IL23R: variants seen among roughly 807,000 people sequenced by gnomAD.
IL23R encodes interleukin-23 receptor.
A neutral mutation model predicts 56.9 loss-of-function variants in IL23R; 34 were observed. That is an observed-to-expected ratio of 0.60 (90% CI 0.45 to 0.80). The LOEUF is 0.80. Ranked by LOEUF, IL23R falls within the 30% of genes least tolerant of loss-of-function variation. The pLI is 0.00. For missense variants in IL23R, 635 were observed against 730.0 expected (o/e 0.87, Z 1.50); for synonymous variants, 230 against 249.2 (o/e 0.92, Z 0.73).
At chr1:67,183,616 G>A (rs187813594) in intron 4 of IL23R, among the ~76,000 whole-genome samples, 97 of 152,120 alleles carry the variant, frequency 6.4e-4, no homozygotes, top group African/African-American at 2.1e-3. Flanking sequence ...TAATTTCCCC[G>A]AATTGCTATT....
At chr1:67,251,323 G>A (rs1322260897) in intron 9 of IL23R, among the ~76,000 whole-genome samples, 1 of 151,934 alleles carries the variant, frequency 6.6e-6, no homozygotes, top group African/African-American at 2.4e-5. Flanking sequence ...GTGGTGGCAG[G>A]CACCTGTAGT....
At chr1:67,205,928 T>TTCTTTTA (rs1175558161) in intron 5 of IL23R, among the ~76,000 whole-genome samples, 4 of 151,088 alleles carry the variant, frequency 2.6e-5, no homozygotes, top group African/African-American at 4.9e-5. Flanking sequence ...TCTTTCTTTT[T>TTCTTTTA]CTTTCTTTCT....
Position 67,197,005 on chromosome 1 carries a change from G to A in IL23R, c.492-3732G>A, listed in dbSNP as rs140482071. Among the ~76,000 whole-genome samples, 18 of 152,348 alleles carry A rather than the reference G, an allele frequency of 1.2e-4. No individual in the cohort carries two copies. The East Asian group carries it at 3.1e-3, about 26-fold the overall frequency. ...GCTCCCAGTGAGGGCACAGGTATGC[G>A]TGAGACACACATGTGAAATAGCAGG... On this transcript the variant is annotated intron_variant, in intron 4 of 10. Transcript: ENST00000347310.
chr1:67,254,200 C>G (rs537559111), intron 9 of IL23R, among the ~76,000 whole-genome samples: 2 of 152,084 alleles, frequency 1.3e-5, no homozygotes, highest in African/African-American at 4.8e-5. Flanking sequence ...TCCCAAGTAG[C>G]TAGGAATACA....
At position 67,258,619 on chromosome 1, in the gene IL23R, A is replaced by C. The variant is rs770054683; in HGVS notation, c.1381A>C (p.Arg461=). ...KKENTGPLET[R]DYPQNSLFDN... is the part of the protein sequence containing the mutation. ...GGAGAATACAGGACCCCTGGAGACA[A>C]GAGACTACCCGCAAAACTCGCTATT... Residue 461 remains arginine (R), a synonymous_variant, in exon 11 of 11, where the codon AGA becomes CGA. Transcript: ENST00000347310. 3 of 1,613,888 alleles carry C rather than the reference A, an allele frequency of 1.9e-6. No individual in the cohort carries two copies. Among genetic ancestry groups the C allele is most frequent in the Non-Finnish European group, 2.5e-6 (3 of 1,179,890 alleles).
intron 5 of IL23R, among the ~76,000 whole-genome samples, chr1:67,203,754 T>C (rs1352882735): frequency 6.6e-6 from 1 of 152,190 alleles, no homozygotes. Flanking sequence ...TGGGAACAAT[T>C]TCCACATAGC....
In IL23R at chr1:67,169,586, T is replaced by G. The variant is rs1295595033; in HGVS notation, c.315T>G (p.Cys105Trp). The G allele has an allele frequency of 6.2e-7, 1 of 1,614,130 alleles. No homozygotes were observed. The highest frequency in any genetic ancestry group is 2.2e-5 in the East Asian group (1 of 44,872). ...PHASMYCTAECPKHFQETLIC... is the reference protein window; with the variant it reads ...PHASMYCTAEWPKHFQETLIC... ...CTTCTATGTACTGCACTGCTGAATGTCCCAAACATTTTCAAGAGACACTGA... is the reference window on the plus strand; with the variant it reads ...CTTCTATGTACTGCACTGCTGAATGGCCCAAACATTTTCAAGAGACACTGA... The change falls in exon 3 of 11, where the codon TGT becomes TGG. Residue 105 changes from cysteine to tryptophan, a missense_variant. Coordinates refer to ENST00000347310, the MANE Select transcript of IL23R (RefSeq NM_144701.3).
At chr1:67,213,047 T>C (rs1246923787) in intron 6 of IL23R, among the ~76,000 whole-genome samples, 5 of 152,028 alleles carry the variant, frequency 3.3e-5, no homozygotes, top group Non-Finnish European at 4.4e-5. Flanking sequence ...CTTCTTTTTG[T>C]ATTTTTAGTA....
rs755811354 is a variant in IL23R at position 67,219,674 on chromosome 1, G to A, written c.899G>A (p.Gly300Asp). 39 of 1,613,984 alleles carry A rather than the reference G, an allele frequency of 2.4e-5. No individual in the cohort carries two copies. The highest frequency in any genetic ancestry group is 3.3e-5 in the Non-Finnish European group (39 of 1,179,966). Residue 300 changes from glycine to aspartate, a missense_variant, in exon 7 of 11, where the codon GGC (glycine) becomes GAC (aspartate). Coordinates refer to ENST00000347310, the MANE Select transcript of IL23R (RefSeq NM_144701.3). ...TTTCAAGTGAGATGTCAAGAAACAG[G>A]CAAAAGGTACTGGCAGCCTTGGAGT... Reference protein sequence around the residue: ...YVFQVRCQETGKRYWQPWSSL... With the variant: ...YVFQVRCQETDKRYWQPWSSL...
chr1:67,188,699 T>G (rs1274497304), intron 4 of IL23R, among the ~76,000 whole-genome samples: 2 of 152,146 alleles, frequency 1.3e-5, no homozygotes, highest in Non-Finnish European at 2.9e-5. Flanking sequence ...AAGTCCCAGA[T>G]CAAGTGTCAA....
rs141402726 is a variant in IL23R, at chr1:67,177,737, T to A, written c.368-5099T>A. Reference sequence around the variant, plus strand: ...GTATTATCTAGGTATTCTTCTAGGGTTTTTATGGTTTTAGGTCTTATGTTT... The same window carrying A: ...GTATTATCTAGGTATTCTTCTAGGGATTTTATGGTTTTAGGTCTTATGTTT... On this transcript the variant is annotated intron_variant, in intron 3 of 10. Coordinates refer to ENST00000347310, the MANE Select transcript of IL23R (RefSeq NM_144701.3). 5.5e-3 allele frequency among the ~76,000 whole-genome samples: 840 copies of A among 151,360 alleles called. 45 individuals are homozygous for A. Among genetic ancestry groups the A allele is most frequent in the African/African-American group, 0.02 (814 of 40,654 alleles).
chr1:67,264,540 T>A (rs887868707), downstream of IL23R, among the ~76,000 whole-genome samples: 1 of 152,224 alleles, frequency 6.6e-6, no homozygotes, highest in South Asian at 2.1e-4. Flanking sequence ...TATAACATAA[T>A]TGGGTTCTGA....
At chr1:67,161,682 C>T (rs1467199672), upstream of IL23R, among the ~76,000 whole-genome samples, 2 of 151,998 alleles carry the variant, frequency 1.3e-5, no homozygotes, top group East Asian at 3.9e-4. Context: ...GGCTGGAGTG[C>T]TGTGGCGCGA....
At chr1:67,209,281 T>C (rs1649286813) in intron 6 of IL23R, among the ~76,000 whole-genome samples, 1 of 152,088 alleles carries the variant, frequency 6.6e-6, no homozygotes, top group Non-Finnish European at 1.5e-5. Flanking sequence ...TGGGGGACAA[T>C]TGGGAAGGCA....
chr1:67,195,764 T>C (rs144222664), intron 4 of IL23R, among the ~76,000 whole-genome samples: 114 of 152,224 alleles, frequency 7.5e-4, no homozygotes, highest in African/African-American at 2.7e-3. Flanking sequence ...CTTGCTGAGG[T>C]TGTCTTGTTC....
intron 9 of IL23R, among the ~76,000 whole-genome samples, chr1:67,247,432 G>A (rs1349084734): frequency 1.3e-5 from 2 of 151,834 alleles, no homozygotes; most frequent in African/African-American, 4.8e-5. Flanking sequence ...AGCCTCCCTA[G>A]TAGCTGGGAT....
At chr1:67,245,741 G>A (rs980433983) in intron 9 of IL23R, among the ~76,000 whole-genome samples, 3 of 152,164 alleles carry the variant, frequency 2.0e-5, no homozygotes, top group African/African-American at 7.2e-5. Flanking sequence ...TCACATCGAT[G>A]TTTATCAGGG....
chr1:67,265,643 A>G, the IL23R span, among the ~76,000 whole-genome samples: 1 of 152,232 alleles, frequency 6.6e-6, no homozygotes, highest in Non-Finnish European at 1.5e-5. Context: ...TTCCTCTTGT[A>G]CATATGTTTA....
Position 67,259,227 on chromosome 1 carries a change from T to A in IL23R, c.*99T>A. ...GAATTCTGCCTCTTTTTGAAAAAAA[T>A]GTATTCACATACAAATCTTCACATG... On this transcript the variant is annotated 3_prime_UTR_variant, in exon 11 of 11. Coordinates refer to ENST00000347310, the MANE Select transcript of IL23R (RefSeq NM_144701.3). 1 of 1,143,222 alleles carries A rather than the reference T, an allele frequency of 8.7e-7. No homozygotes were observed. Among genetic ancestry groups the A allele is most frequent in the Non-Finnish European group, 1.3e-6 (1 of 768,486 alleles). The allele number at this position is 1,143,222 out of a possible 1,614,324, so 70.8% of individuals were successfully genotyped here. A position where few individuals can be genotyped will look rare whatever the true frequency, so the allele number is the denominator to read the frequency against.
Sources: gnomAD v4.1 joint callset for allele counts (sites outside exome capture counted in the v4.1 genomes callset) on GRCh38, gnomAD v4.1.1 for gene constraint, MANE v1.5 for transcripts, NCBI Gene and HGNC (gene_info 2026-07-23, HGNC 2026-07-21) for gene names.